Variants in CSMD1 observed in about 807,000 individuals in gnomAD.
CSMD1 encodes the protein CUB and Sushi multiple domains 1, also known as CUB and sushi domain-containing protein 1.
CSMD1 carries 213 observed loss-of-function variants against 417.5 expected under a neutral mutation model. That is an observed-to-expected ratio of 0.51 (90% CI 0.46 to 0.57). The LOEUF is 0.57. Among genes scored for constraint, CSMD1 ranks in the 20% least tolerant of loss-of-function variants. The pLI is 0.00. For synonymous variants in CSMD1, 2,862 were observed against 1,736.8 expected, an observed-to-expected ratio of 1.65 and a Z score of -16.11; for missense variants, 6,923 against 4,529.7, an observed-to-expected ratio of 1.53 and a Z score of -15.17.
At chr8:3,578,712 A>C (rs1395900390) in intron 9 of CSMD1, among the ~76,000 whole-genome samples, 1 of 152,144 alleles carries the variant, frequency 6.6e-6, no homozygotes, top group Non-Finnish European at 1.5e-5. Flanking sequence ...CTCACACAGG[A>C]GACAGCCGAG....
intron 12 of CSMD1, among the ~76,000 whole-genome samples, chr8:3,463,433 T>C (rs1171880869): frequency 6.6e-6 from 1 of 152,262 alleles, no homozygotes; most frequent in African/African-American, 2.4e-5. Flanking sequence ...GACAGTCAAC[T>C]GAGCATTCCC....
chr8:3,938,452 G>T lies in CSMD1; in HGVS notation c.818+59451C>A, dbSNP rs1810651077. On this transcript the variant is annotated intron_variant, in intron 5 of 69. Transcript: ENST00000635120. ...TAGAGCTTAATGTCTTTGTGCAGTG[G>T]ATCTGTGGTGGGGATAAGTAAATTG... is the stretch of plus-strand genomic sequence containing the variant. 3.3e-5 allele frequency among the ~76,000 whole-genome samples: 5 copies of T among 152,176 alleles called. No individual in the cohort carries two copies. The South Asian group carries it at 1.0e-3, about 32-fold the overall frequency.
chr8:3,836,474 T>G (rs1465992899), intron 5 of CSMD1, among the ~76,000 whole-genome samples: 1 of 152,178 alleles, frequency 6.6e-6, no homozygotes, highest in African/African-American at 2.4e-5. Flanking sequence ...AGAGGAGATG[T>G]AGCAGAGATT....
intron 55 of CSMD1, among the ~76,000 whole-genome samples, chr8:2,975,015 C>T (rs1319614540): frequency 1.3e-5 from 2 of 152,196 alleles, no homozygotes; most frequent in Non-Finnish European, 2.9e-5. Context: ...ACGATGTTTT[C>T]AGTTAATATG....
chr8:4,446,675 C>T (rs755069968), intron 2 of CSMD1, among the ~76,000 whole-genome samples: 71 of 151,874 alleles, frequency 4.7e-4, no homozygotes, highest in Non-Finnish European at 9.4e-4. Flanking sequence ...GTCTCAGTCT[C>T]CTGAGTAGCT....
intron 10 of CSMD1, among the ~76,000 whole-genome samples, chr8:3,504,902 C>T (rs1279043501): frequency 6.6e-6 from 1 of 151,908 alleles, no homozygotes; most frequent in Non-Finnish European, 1.5e-5. Context: ...TGAAGCAGAA[C>T]CCGTCAAAAT....
chr8:3,876,685 C>T (rs967715161), intron 5 of CSMD1, among the ~76,000 whole-genome samples: 1 of 152,180 alleles, frequency 6.6e-6, no homozygotes, highest in Non-Finnish European at 1.5e-5. Flanking sequence ...TCAGTGCGCA[C>T]TGTAGCCTTG....
chr8:3,785,259 T>C (rs893658424), intron 5 of CSMD1, among the ~76,000 whole-genome samples: 5 of 152,196 alleles, frequency 3.3e-5, no homozygotes, highest in African/African-American at 4.8e-5. Context: ...AGAGTGTCTG[T>C]TTCAAAGCAA....
intron 18 of CSMD1, among the ~76,000 whole-genome samples, chr8:3,384,864 A>AAATATATATTATATATGCAAATATAT (rs1343339169): frequency 4.1e-5 from 5 of 122,910 alleles, no homozygotes; most frequent in East Asian, 4.4e-4. Context: ...ATTTATATGT[A>AAATATATATTATATATGCAAATATAT]AATATATATT....
In CSMD1 at chr8:3,160,722, C is replaced by A. The variant is rs915508383; in HGVS notation, c.5844+1437G>T. ...TAACAGCTACAATAGTTTTCCTATA[C>A]TAAAGTGTGCCAGTTATTTCACAGA... On this transcript the variant is annotated intron_variant, in intron 38 of 69. Transcript: ENST00000635120. Among the ~76,000 whole-genome samples, 8 of 152,196 alleles carry A rather than the reference C, an allele frequency of 5.3e-5. 1 individual carries two copies. The highest frequency in any genetic ancestry group is 3.9e-4 in the Admixed American group (6 of 15,280).
At chr8:4,116,310 G>A (rs777111727) in intron 3 of CSMD1, among the ~76,000 whole-genome samples, 1 of 152,038 alleles carries the variant, frequency 6.6e-6, no homozygotes. Context: ...AGAATCTTTA[G>A]GACGGTGAAA....
rs149028528 is a variant in CSMD1 at position 4,067,559 on chromosome 8, A to G, written c.416-35460T>C. On this transcript the variant is annotated intron_variant, in intron 3 of 69. Transcript: ENST00000635120. ...TATAGCTTTACATGTACCTAAAGCC[A>G]GAATAAGTTTCAACAACAGCATTTT... Among the ~76,000 whole-genome samples the G allele has an allele frequency of 1.8e-4, 28 of 152,270 alleles. No homozygotes were observed. The East Asian group carries it at 5.4e-3, about 29-fold the overall frequency.
At chr8:4,646,844 T>A (rs2060791419) in intron 1 of CSMD1, among the ~76,000 whole-genome samples, 1 of 152,174 alleles carries the variant, frequency 6.6e-6, no homozygotes, top group African/African-American at 2.4e-5. Context: ...TGAGGGTTTT[T>A]TGTTATGAAA....
intron 1 of CSMD1, among the ~76,000 whole-genome samples, chr8:4,917,172 G>T (rs531606875): frequency 2.8e-4 from 42 of 152,186 alleles, no homozygotes; most frequent in Non-Finnish European, 5.4e-4. Flanking sequence ...GGAGCAGGAG[G>T]AAGACAGAGA....
chr8:4,820,402 G>C (rs1259090075), intron 1 of CSMD1, among the ~76,000 whole-genome samples: 1 of 152,074 alleles, frequency 6.6e-6, no homozygotes, highest in Non-Finnish European at 1.5e-5. Context: ...AGCTTGCTTG[G>C]CAATTAAAAT....
At chr8:4,404,917 T>C (rs1804903969) in intron 3 of CSMD1, among the ~76,000 whole-genome samples, 1 of 152,204 alleles carries the variant, frequency 6.6e-6, no homozygotes, top group Non-Finnish European at 1.5e-5. Flanking sequence ...AAAAAGCCTA[T>C]GATGTCAGTC....
intron 5 of CSMD1, among the ~76,000 whole-genome samples, chr8:3,800,902 T>G (rs939227429): frequency 3.3e-5 from 5 of 152,208 alleles, no homozygotes. Context: ...CCAACAACCA[T>G]GAGTGAAATA....
At chr8:4,770,831 A>G (rs1282728646) in intron 1 of CSMD1, among the ~76,000 whole-genome samples, 1 of 152,150 alleles carries the variant, frequency 6.6e-6, no homozygotes, top group African/African-American at 2.4e-5. Context: ...AATCCTAAAC[A>G]TAAGACCTGA....
At chr8:4,571,264 C>A (rs1001722421) in intron 2 of CSMD1, among the ~76,000 whole-genome samples, 2 of 152,184 alleles carry the variant, frequency 1.3e-5, no homozygotes, top group African/African-American at 4.8e-5. Flanking sequence ...TTCCTGCTTT[C>A]TCATGTGAGA....
Sources: gnomAD v4.1 joint callset for allele counts (sites outside exome capture counted in the v4.1 genomes callset) on GRCh38, gnomAD v4.1.1 for gene constraint, MANE v1.5 for transcripts, NCBI Gene and HGNC (gene_info 2026-07-23, HGNC 2026-07-21) for gene names.